CNTNAP2: variants seen among roughly 807,000 people sequenced by gnomAD.
The protein encoded by CNTNAP2 is contactin-associated protein-like 2.
Under a neutral mutation model 155.2 loss-of-function variants are expected in CNTNAP2, and 98 were observed. The ratio of observed to expected loss-of-function variants is 0.63; its 90% CI spans 0.54 to 0.75. The LOEUF (loss-of-function observed/expected upper bound fraction) is 0.75. CNTNAP2 is among the 30% of genes least tolerant of loss of function. The pLI, the probability that CNTNAP2 is intolerant of heterozygous loss-of-function variation, is 0.00. For missense variants in CNTNAP2, 1,727 were observed against 1,688.1 expected (o/e 1.02, Z -0.40); for synonymous variants, 651 against 631.2 (o/e 1.03, Z -0.47).
At chr7:148,414,727 T>C (rs1023894741) in intron 23 of CNTNAP2, 1 of 152,796 alleles carries the variant, frequency 6.5e-6, no homozygotes, top group Non-Finnish European at 1.5e-5. Context: ...TAGTCTTTAT[T>C]CTAGGCCTAT....
chr7:146,795,345 T>C (rs1802750090), intron 2 of CNTNAP2, among the ~76,000 whole-genome samples: 1 of 152,208 alleles, frequency 6.6e-6, no homozygotes, highest in Admixed American at 6.5e-5. Context: ...TTCTCCACAG[T>C]ATACTCTGAC....
intron 8 of CNTNAP2, among the ~76,000 whole-genome samples, chr7:147,168,744 T>C (rs1802170811): frequency 6.6e-6 from 1 of 152,152 alleles, no homozygotes; most frequent in African/African-American, 2.4e-5. Flanking sequence ...CTAATTGTTA[T>C]TGAGAAATTA....
intron 2 of CNTNAP2, among the ~76,000 whole-genome samples, chr7:146,810,686 A>C (rs571789081): frequency 6.6e-6 from 1 of 152,108 alleles, no homozygotes; most frequent in South Asian, 2.1e-4. Context: ...AATAGAAGTG[A>C]CAAGAGTGTG....
intron 22 of CNTNAP2, among the ~76,000 whole-genome samples, chr7:148,390,015 C>T (rs1272248054): frequency 6.6e-6 from 1 of 152,100 alleles, no homozygotes; most frequent in Non-Finnish European, 1.5e-5. Flanking sequence ...GGTCAAGAAT[C>T]ACTCACCAAA....
intron 21 of CNTNAP2, among the ~76,000 whole-genome samples, chr7:148,366,809 C>G (rs764358746): frequency 6.6e-6 from 1 of 151,782 alleles, no homozygotes; most frequent in African/African-American, 2.4e-5. Context: ...CTGTCTAAGA[C>G]AGAGGAAAAT....
intron 13 of CNTNAP2, among the ~76,000 whole-genome samples, chr7:147,768,417 T>C (rs1327855561): frequency 1.3e-5 from 2 of 152,136 alleles, no homozygotes; most frequent in African/African-American, 4.8e-5. Context: ...GTCCTATATG[T>C]AAACTCTTTA....
Position 147,147,815 on chromosome 7 carries a change from A to G in CNTNAP2, c.1348+15306A>G, listed in dbSNP as rs374036769. 5.3e-5 allele frequency among the ~76,000 whole-genome samples: 8 copies of G among 152,300 alleles called. No homozygotes were observed. In the East Asian group the frequency reaches 1.6e-3, roughly 30 times the overall value. On this transcript the variant is annotated intron_variant, in intron 8 of 23. Transcript: ENST00000361727. ...CTAACTTGCTCTTTGATCGCTACAA[A>G]AAAAAGTACCCAGTATCCTGTGAGA...
Position 146,954,092 on chromosome 7 carries a change from G to A in CNTNAP2, c.403-89815G>A, listed in dbSNP as rs567096689. Reference sequence around the variant, plus strand: ...TGTTTTTCTTGAATTACTCCATATAGGAAGAGGCTTTGGAATCGTATTTCT... The same window carrying A: ...TGTTTTTCTTGAATTACTCCATATAAGAAGAGGCTTTGGAATCGTATTTCT... On this transcript the variant is annotated intron_variant, in intron 3 of 23. Transcript: ENST00000361727. Among the ~76,000 whole-genome samples, 11 of 151,964 alleles carry A rather than the reference G, an allele frequency of 7.2e-5. No individual in the cohort carries two copies. The South Asian group carries it at 2.1e-3, about 29-fold the overall frequency.
chr7:147,997,091 T>C (rs1024826097), intron 15 of CNTNAP2, among the ~76,000 whole-genome samples: 17 of 152,208 alleles, frequency 1.1e-4, no homozygotes, highest in Non-Finnish European at 2.9e-5. Context: ...AGATATCAAA[T>C]CTGCCTTAAT....
intron 8 of CNTNAP2, among the ~76,000 whole-genome samples, chr7:147,281,421 G>T (rs1164973324): frequency 6.6e-6 from 1 of 151,718 alleles, no homozygotes; most frequent in Admixed American, 6.6e-5. Context: ...CTTTATTTTT[G>T]ATGTAGTCAT....
intron 14 of CNTNAP2, among the ~76,000 whole-genome samples, chr7:147,961,994 CAGAT>C (rs1238448200): frequency 4.6e-5 from 7 of 152,124 alleles, no homozygotes; most frequent in African/African-American, 4.8e-5. Context: ...AGAAACAAAA[CAGAT>C]AGATCCCTGA....
chr7:147,791,453 C>CTTTTTTT (rs35344971), intron 13 of CNTNAP2, among the ~76,000 whole-genome samples: 5 of 123,458 alleles, frequency 4.0e-5, no homozygotes, highest in African/African-American at 6.4e-5. Flanking sequence ...CTCTCTCTCT[C>CTTTTTTT]TTTTTTTTTT....
chr7:147,171,757 C>T (rs939526017), intron 8 of CNTNAP2, among the ~76,000 whole-genome samples: 7 of 151,986 alleles, frequency 4.6e-5, no homozygotes, highest in Admixed American at 1.3e-4. Context: ...AAGTTTCGAG[C>T]TTGGAATAAT....
chr7:146,911,176 G>A (rs1001655210), intron 3 of CNTNAP2, among the ~76,000 whole-genome samples: 1 of 151,998 alleles, frequency 6.6e-6, no homozygotes. Flanking sequence ...GACATGATGT[G>A]GAGAAATAGG....
intron 8 of CNTNAP2, among the ~76,000 whole-genome samples, chr7:147,295,871 C>G (rs977201323): frequency 6.6e-6 from 1 of 152,074 alleles, no homozygotes; most frequent in Non-Finnish European, 1.5e-5. Flanking sequence ...AGCTTTGATA[C>G]AGTAGTGGCT....
chr7:146,352,750 G>GTTTTTTGT (rs1794934734), intron 1 of CNTNAP2, among the ~76,000 whole-genome samples: 1 of 64,338 alleles, frequency 1.6e-5, no homozygotes, highest in African/African-American at 6.4e-5. Flanking sequence ...GCATAATTCT[G>GTTTTTTGT]TTTTTTTTTT....
intron 15 of CNTNAP2, among the ~76,000 whole-genome samples, chr7:147,996,577 G>A (rs1448132303): frequency 1.3e-5 from 2 of 152,070 alleles, no homozygotes; most frequent in Non-Finnish European, 2.9e-5. Context: ...AGTACAAAAG[G>A]TTGCTATGGG....
intron 15 of CNTNAP2, among the ~76,000 whole-genome samples, chr7:148,102,034 A>T (rs1804111954): frequency 1.3e-5 from 2 of 151,838 alleles, no homozygotes; most frequent in Admixed American, 6.6e-5. Context: ...ATATAGTTAA[A>T]CTCGTGTGAC....
chr7:147,734,621 A>G (rs138007181), intron 13 of CNTNAP2, among the ~76,000 whole-genome samples: 94,896 of 152,108 alleles, frequency 0.62, 31,358 homozygotes, highest in East Asian at 0.9. Flanking sequence ...CTCTGGTAGA[A>G]TTTGGCTGTG....
Sources: allele counts gnomAD v4.1 joint callset (sites outside exome capture counted in the v4.1 genomes callset), GRCh38; gene constraint gnomAD v4.1.1; transcripts MANE v1.5; gene names NCBI Gene and HGNC (gene_info 2026-07-23, HGNC 2026-07-21).